C1orf87: variants seen among roughly 807,000 people sequenced by gnomAD.
C1orf87 encodes the protein uncharacterized protein C1orf87.
Under a neutral mutation model 60.5 loss-of-function variants are expected in C1orf87, and 58 were observed. The observed-to-expected ratio is 0.96, with a 90% CI of 0.78 to 1.19. The LOEUF is 1.19. C1orf87 is among the 50% of genes most tolerant of loss of function. The pLI is 0.00. For missense variants in C1orf87, 673 were observed against 638.6 expected, an observed-to-expected ratio of 1.05 and a Z score of -0.58; for synonymous variants, 236 against 227.4, an observed-to-expected ratio of 1.04 and a Z score of -0.34.
At chr1:60,046,501 C>T (rs1645372580) in intron 3 of C1orf87, among the ~76,000 whole-genome samples, 1 of 148,110 alleles carries the variant, frequency 6.8e-6, no homozygotes, top group Non-Finnish European at 1.5e-5. Context: ...AGTAGCACAG[C>T]CATTATTCAC....
At chr1:60,026,747 T>C (rs1422826745) in intron 7 of C1orf87, among the ~76,000 whole-genome samples, 1 of 152,184 alleles carries the variant, frequency 6.6e-6, no homozygotes, top group Non-Finnish European at 1.5e-5. Flanking sequence ...AGTCCAAACA[T>C]AACTACAGTT....
chr1:59,997,900 T>A, intron 10 of C1orf87, 84 bp from the exon 11 acceptor site: 1 of 1,280,544 alleles, frequency 7.8e-7, no homozygotes, highest in Non-Finnish European at 1.1e-6. Flanking sequence ...GCCACACAAC[T>A]AGCAAGATTT....
intron 7 of C1orf87, among the ~76,000 whole-genome samples, chr1:60,031,851 A>C (rs938817395): frequency 2.6e-5 from 4 of 152,170 alleles, no homozygotes; most frequent in African/African-American, 9.7e-5. Flanking sequence ...TGCTGCTAAG[A>C]ATTTTTAGAC....
At chr1:59,999,789 T>C (rs887409400) in intron 10 of C1orf87, among the ~76,000 whole-genome samples, 1 of 152,170 alleles carries the variant, frequency 6.6e-6, no homozygotes, top group Non-Finnish European at 1.5e-5. Context: ...CACAAAAACC[T>C]GAAAAATGGA....
intron 11 of C1orf87, among the ~76,000 whole-genome samples, chr1:59,993,180 C>T (rs1397240631): frequency 6.6e-6 from 1 of 152,080 alleles, no homozygotes; most frequent in African/African-American, 2.4e-5. Context: ...GTGATCATGC[C>T]ATTGCATTCT....
Position 60,028,635 on chromosome 1 carries a change from A to T in C1orf87, c.1030-3137T>A, listed in dbSNP as rs183481486. Reference sequence around the variant, plus strand: ...AATGCTCCTTGAAAGATCAGTGCACACTGTCTCAGAGCCCTCTTTTCCCAC... The same window carrying T: ...AATGCTCCTTGAAAGATCAGTGCACTCTGTCTCAGAGCCCTCTTTTCCCAC... On this transcript the variant is annotated intron_variant, in intron 7 of 11. Transcript: ENST00000371201. Among the ~76,000 whole-genome samples the T allele has an allele frequency of 1.5e-4, 23 of 152,296 alleles. No individual in the cohort carries two copies. The East Asian group carries it at 4.4e-3, about 29-fold the overall frequency.
intron 7 of C1orf87, among the ~76,000 whole-genome samples, chr1:60,027,948 G>T (rs1294113456): frequency 1.3e-5 from 2 of 152,176 alleles, no homozygotes; most frequent in African/African-American, 4.8e-5. Flanking sequence ...CTACAAGGTG[G>T]TGGCTTACTC....
chr1:59,993,977 T>TCGAACTCCTGACCTCAGGTGA (rs1292142061), intron 11 of C1orf87, among the ~76,000 whole-genome samples: 3 of 152,120 alleles, frequency 2.0e-5, no homozygotes, highest in African/African-American at 4.8e-5. Flanking sequence ...CAGGCTGGTC[T>TCGAACTCCTGACCTCAGGTGA]CGAACTCCTG....
At chr1:60,056,780 A>T (rs531129430) in intron 2 of C1orf87, among the ~76,000 whole-genome samples, 1 of 152,342 alleles carries the variant, frequency 6.6e-6, no homozygotes, top group South Asian at 2.1e-4. Context: ...TATAATCTGA[A>T]AAAATAAGTT....
At chr1:59,996,602 C>A (rs900197792) in intron 11 of C1orf87, among the ~76,000 whole-genome samples, 2 of 152,128 alleles carry the variant, frequency 1.3e-5, no homozygotes, top group Admixed American at 6.6e-5. Context: ...ATATTGAGCA[C>A]CCTGCACTGA....
At chr1:60,035,927 A>T (rs768839442) in intron 6 of C1orf87, among the ~76,000 whole-genome samples, 3 of 152,174 alleles carry the variant, frequency 2.0e-5, no homozygotes, top group Non-Finnish European at 4.4e-5. Flanking sequence ...CAGAGATCTA[A>T]CCTTATCTAG....
intron 3 of C1orf87, among the ~76,000 whole-genome samples, chr1:60,048,687 T>C (rs954052947): frequency 6.6e-6 from 1 of 152,274 alleles, no homozygotes; most frequent in East Asian, 1.9e-4. Context: ...CCATTCATCA[T>C]GTTCCATCTA....
chr1:60,019,670 C>T (rs1202921643), intron 8 of C1orf87, among the ~76,000 whole-genome samples: 1 of 152,106 alleles, frequency 6.6e-6, no homozygotes, highest in Non-Finnish European at 1.5e-5. Context: ...GACGTCCAGG[C>T]TGAGGTAGTT....
At chr1:60,039,867 A>G in intron 5 of C1orf87, 50 bp downstream of exon 5, 1 of 1,561,978 alleles carries the variant, frequency 6.4e-7, no homozygotes, top group Non-Finnish European at 8.7e-7. Flanking sequence ...TGTGGGTACA[A>G]GTTAAGGAAA....
chr1:60,059,848 C>T (rs1196521069), intron 2 of C1orf87, among the ~76,000 whole-genome samples: 2 of 152,178 alleles, frequency 1.3e-5, no homozygotes, highest in Non-Finnish European at 2.9e-5. Flanking sequence ...AGTGTGCCAA[C>T]ACAGTGAATG....
chr1:60,033,451 A>T (rs1328577703), intron 7 of C1orf87, 25 bp downstream of exon 7: 1 of 1,607,304 alleles, frequency 6.2e-7, no homozygotes, highest in Admixed American at 1.7e-5. Context: ...ACAGAGGAAC[A>T]AATCTGAAAT....
chr1:60,031,240 T>G lies in C1orf87; in HGVS notation c.1029+2236A>C, dbSNP rs17120021. On this transcript the variant is annotated intron_variant, in intron 7 of 11. Transcript: ENST00000371201. ...GGCTGCTTCTTGTTTCCAATGTCCC[T>G]TGGGCTTCAATTTGCCTCATGTTCT... Among the ~76,000 whole-genome samples, 1,471 of 152,332 alleles carry G rather than the reference T, an allele frequency of 9.7e-3. 29 individuals are homozygous for G. Among genetic ancestry groups the G allele is most frequent in the African/African-American group, 0.034 (1,397 of 41,564 alleles).
At chr1:60,019,900 C>A (rs1645150402) in intron 8 of C1orf87, among the ~76,000 whole-genome samples, 1 of 152,016 alleles carries the variant, frequency 6.6e-6, no homozygotes. Context: ...TAAGCATTTA[C>A]AAAGAGATGG....
intron 2 of C1orf87, among the ~76,000 whole-genome samples, chr1:60,071,037 G>T (rs1187578401): frequency 1.3e-5 from 2 of 152,092 alleles, no homozygotes; most frequent in African/African-American, 2.4e-5. Context: ...TACTTTTCTT[G>T]ACAGTGACAG....
Sources: gnomAD v4.1 joint callset for allele counts (sites outside exome capture counted in the v4.1 genomes callset) on GRCh38, gnomAD v4.1.1 for gene constraint, MANE v1.5 for transcripts, NCBI Gene and HGNC (gene_info 2026-07-23, HGNC 2026-07-21) for gene names.